Variants in ENDOD1 observed in about 807,000 individuals in gnomAD.
ENDOD1 encodes the protein endonuclease domain-containing 1 protein.
A neutral mutation model predicts 6.5 loss-of-function variants in ENDOD1; 9 were observed. The observed-to-expected ratio is 1.39, with a 90% CI of 0.84 to 2.43. The LOEUF (loss-of-function observed/expected upper bound fraction) is 2.43. Ranked by LOEUF, ENDOD1 falls within the 30% of genes most tolerant of loss-of-function variation. The probability of loss-of-function intolerance (pLI) is 0.00; values close to 1 mark genes in which losing one functional copy is unlikely to be tolerated. For synonymous variants in ENDOD1, 255 were observed against 255.2 expected, an observed-to-expected ratio of 1.00 and a Z score of 0.01; for missense variants, 648 against 635.5, an observed-to-expected ratio of 1.02 and a Z score of -0.21.
intron 1 of ENDOD1, among the ~76,000 whole-genome samples, chr11:95,112,553 T>C (rs1859161554): frequency 6.6e-6 from 1 of 152,276 alleles, no homozygotes; most frequent in South Asian, 2.1e-4. Flanking sequence ...CCAAGTAACC[T>C]GTCACTTTTC....
At position 95,114,250 on chromosome 11, in the gene ENDOD1, G is replaced by A. The variant is rs533986238; in HGVS notation, c.301-14127G>A. 2.0e-5 allele frequency among the ~76,000 whole-genome samples: 3 copies of A among 151,946 alleles called. No individual in the cohort carries two copies. In the East Asian group the frequency reaches 5.8e-4, roughly 29 times the overall value. ...TCTCACCTCAGCTTCCTGAGTAGCT[G>A]GGACTACAAGTGCACACCACCATGC... On this transcript the variant is annotated intron_variant, in intron 1 of 1. Coordinates refer to ENST00000278505, the MANE Select transcript of ENDOD1 (RefSeq NM_015036.3).
Position 95,129,480 on chromosome 11 carries a change from C to T in ENDOD1, c.1404C>T (p.Asp468=), listed in dbSNP as rs757357080. 35 of 1,614,090 alleles carry T rather than the reference C, an allele frequency of 2.2e-5. No individual in the cohort carries two copies. In the Admixed American group the frequency reaches 4.8e-4, roughly 22 times the overall value. ...GTGGCACTGTCTCACTGCTCTTTGA[C>T]ACTGCTTTTGGTACCCTGGGTGGCC... ...GLGGTVSLLF[D]TAFGTLGGLF... The change falls in exon 2 of 2, where the codon GAC becomes GAT. Residue 468 remains aspartate, a synonymous_variant. Transcript: ENST00000278505.
chr11:95,121,191 T>A (rs79010674), intron 1 of ENDOD1, among the ~76,000 whole-genome samples: 1 of 152,136 alleles, frequency 6.6e-6, no homozygotes, highest in Non-Finnish European at 1.5e-5. Flanking sequence ...TAGATAGTTA[T>A]TAAATTGGTG....
chr11:95,115,291 A>T (rs1415200651), intron 1 of ENDOD1, among the ~76,000 whole-genome samples: 2 of 151,088 alleles, frequency 1.3e-5, no homozygotes, highest in African/African-American at 4.9e-5. Flanking sequence ...TTTTCTGATT[A>T]TTCGCTGTTG....
intron 1 of ENDOD1, among the ~76,000 whole-genome samples, chr11:95,120,215 CT>C (rs1178039594): frequency 6.6e-6 from 1 of 151,966 alleles, no homozygotes; most frequent in African/African-American, 2.4e-5. Context: ...TTTTCCTCCA[CT>C]TTTCTTGGGC....
At chr11:95,105,003 G>C (rs1555111292) in intron 1 of ENDOD1, among the ~76,000 whole-genome samples, 1 of 152,192 alleles carries the variant, frequency 6.6e-6, no homozygotes. Flanking sequence ...CTGGCATGGA[G>C]GTGGGTGGGA....
chr11:95,125,432 A>G (rs1205998273), intron 1 of ENDOD1, among the ~76,000 whole-genome samples: 2 of 151,846 alleles, frequency 1.3e-5, no homozygotes, highest in Non-Finnish European at 1.5e-5. Context: ...CAAATGAATG[A>G]GCTTCTTTAT....
At chr11:95,126,285 G>A (rs1480615593) in intron 1 of ENDOD1, among the ~76,000 whole-genome samples, 1 of 152,188 alleles carries the variant, frequency 6.6e-6, no homozygotes, top group African/African-American at 2.4e-5. Flanking sequence ...TCAGACTAGA[G>A]GTGCAACACA....
chr11:95,103,287 G>A (rs1462303322), intron 1 of ENDOD1, among the ~76,000 whole-genome samples: 1 of 152,082 alleles, frequency 6.6e-6, no homozygotes, highest in Non-Finnish European at 1.5e-5. Flanking sequence ...CTTCAGTAAC[G>A]GAAACAAACT....
At chr11:95,117,642 T>C (rs931416722) in intron 1 of ENDOD1, among the ~76,000 whole-genome samples, 14 of 152,216 alleles carry the variant, frequency 9.2e-5, no homozygotes, top group Non-Finnish European at 1.3e-4. Context: ...ATTTTCAGTC[T>C]ATGTGTGTCT....
At chr11:95,121,997 G>A (rs1859266592) in intron 1 of ENDOD1, among the ~76,000 whole-genome samples, 2 of 152,074 alleles carry the variant, frequency 1.3e-5, no homozygotes, top group African/African-American at 4.8e-5. Context: ...CAAATGAGCA[G>A]GTATAATCCA....
intron 1 of ENDOD1, among the ~76,000 whole-genome samples, chr11:95,098,604 C>G (rs563610917): frequency 1.3e-5 from 2 of 152,028 alleles, no homozygotes; most frequent in African/African-American, 4.8e-5. Context: ...ACTCTGAGTG[C>G]GAGATACCTT....
At position 95,116,183 on chromosome 11, in the gene ENDOD1, T is replaced by C. The variant is rs148441697; in HGVS notation, c.301-12194T>C. On this transcript the variant is annotated intron_variant, in intron 1 of 1. Transcript: ENST00000278505. ...GATCTCATTACTTGTTATTGGTCTG[T>C]TCAGGTTTTGGATTTCTTCCTTGTT... 1.9e-3 allele frequency among the ~76,000 whole-genome samples: 291 copies of C among 152,308 alleles called. 1 individual carries two copies. Among genetic ancestry groups the C allele is most frequent in the African/African-American group, 6.5e-3 (270 of 41,562 alleles).
At chr11:95,090,420 A>AG (rs59307265) in intron 1 of ENDOD1, among the ~76,000 whole-genome samples, 193 bp downstream of exon 1, 152,282 of 152,286 alleles carry the variant, frequency 1, 76,139 homozygotes, top group Middle Eastern at 1. Context: ...GCCCCTGTCG[A>AG]GCTACAATAA....
rs982652898 is a variant in ENDOD1 at position 95,132,549 on chromosome 11, G to A, written c.*2970G>A. 1 of 152,206 alleles carries A rather than the reference G, an allele frequency of 6.6e-6. No individual in the cohort carries two copies. The highest frequency in any genetic ancestry group is 1.5e-5 in the Non-Finnish European group (1 of 68,046). The allele number at this position is 152,206 out of a possible 1,614,324, so 9.4% of individuals were successfully genotyped here. On this transcript the variant is annotated 3_prime_UTR_variant, in exon 2 of 2. Coordinates refer to ENST00000278505, the MANE Select transcript of ENDOD1 (RefSeq NM_015036.3). The stretch of plus-strand genomic sequence containing the variant: ...CCACGAAACCATGGAAATTAGGGAA[G>A]CCTTTACAGAGGGTGTGACAAAACT...
In ENDOD1 at chr11:95,128,409, G is replaced by A. The variant is rs762240885; in HGVS notation, c.333G>A (p.Ala111=). ...ACCCCAACAGCAACCTTGAGGAGGC[G>A]ATTAATGAGGCAGAGGCCATCACCT... ...IDDPNSNLEE[A]INEAEAITSV... The change falls in exon 2 of 2, where the codon GCG becomes GCA. Residue 111 remains alanine (A), a synonymous_variant. Transcript: ENST00000278505. The A allele has an allele frequency of 3.4e-5, 55 of 1,613,798 alleles. 1 individual carries two copies. In the South Asian group the frequency reaches 4.5e-4, roughly 13 times the overall value.
chr11:95,098,106 TTTGGATTTTGGAACATA>T (rs1273004151), intron 1 of ENDOD1, among the ~76,000 whole-genome samples: 2 of 152,042 alleles, frequency 1.3e-5, no homozygotes, highest in East Asian at 1.9e-4. Flanking sequence ...CTCAAAAAGC[TTTGGATTTTGGAACATA>T]TTGGATTTTG....
At chr11:95,123,467 C>T (rs1013092777) in intron 1 of ENDOD1, among the ~76,000 whole-genome samples, 70 of 151,724 alleles carry the variant, frequency 4.6e-4, no homozygotes, top group African/African-American at 1.6e-3. Flanking sequence ...GGCTGAGAGT[C>T]CCTGTAGCCC....
intron 1 of ENDOD1, among the ~76,000 whole-genome samples, chr11:95,100,482 C>T (rs1555110719): frequency 6.6e-6 from 1 of 151,948 alleles, no homozygotes; most frequent in Non-Finnish European, 1.5e-5. Context: ...TGGCTTCTTT[C>T]TGGTTTTTAT....
Sources: gnomAD v4.1 joint callset for allele counts (sites outside exome capture counted in the v4.1 genomes callset) on GRCh38, gnomAD v4.1.1 for gene constraint, MANE v1.5 for transcripts, NCBI Gene and HGNC (gene_info 2026-07-23, HGNC 2026-07-21) for gene names.